The following TERT variants were observed in gnomAD, a reference collection of about 807,000 sequenced individuals.
TERT encodes telomerase catalytic subunit.
Under a neutral mutation model 104.0 loss-of-function variants are expected in TERT, and 42 were observed. That is an observed-to-expected ratio of 0.40 (90% CI 0.32 to 0.52). The LOEUF (loss-of-function observed/expected upper bound fraction) is 0.52. Ranked by LOEUF, TERT falls within the 20% of genes least tolerant of loss-of-function variation. TERT has a pLI of 0.43. For synonymous variants in TERT, 781 were observed against 725.6 expected (o/e 1.08, Z -1.23); for missense variants, 1,101 against 1,610.3 (o/e 0.68, Z 5.41).
rs1420523100 is a variant in TERT at position 1,268,620 on chromosome 5, A to T, written c.2482T>A (p.Cys828Ser). Residue 828 changes from cysteine (C) to serine (S), a missense_variant, in exon 9 of 16, where the codon TGC becomes AGC. Physicochemically the swap from Cys to Ser is moderately radical, Grantham distance 112. Transcript: ENST00000310581. This position sits in a 1 kb window ranked among gnomAD's most constrained non-coding sequence, Gnocchi z 5.5. ...VRIRGKSYVQ[C>S]QGIPQGSILS... ...ATGGAGCCCTGCGGGATCCCCTGGC[A>T]CTGGACGTAGGACCTGGGGCGGGAA... 6.2e-7 allele frequency: 1 copy of T among 1,612,570 alleles called. No homozygotes were observed. The highest frequency in any genetic ancestry group is 1.1e-5 in the South Asian group (1 of 91,070).
At position 1,264,267 on chromosome 5, in the gene TERT, AG is replaced by A. The variant is rs1370817995; in HGVS notation, c.2843+136del. 2.1e-5 allele frequency: 19 copies of A among 889,900 alleles called. No individual in the cohort carries two copies. The East Asian group carries it at 5.0e-4, about 24-fold the overall frequency. The allele number at this position is 889,900 out of a possible 1,614,324, so 55.1% of individuals were successfully genotyped here. On this transcript the variant is annotated intron_variant, in intron 11 of 15. Transcript: ENST00000310581. Reference sequence around the variant, plus strand: ...TTTCTGCTCAGCCCCAGATGGGACGAGGGGCACCCTGTGGCCTCTGACCCTT... The same window carrying A: ...TTTCTGCTCAGCCCCAGATGGGACGAGGGCACCCTGTGGCCTCTGACCCTT...
At position 1,255,461 on chromosome 5, in the gene TERT, T is replaced by C. The variant is rs374522613; in HGVS notation, c.3033-50A>G. ...GAGGAAAGGCCTCCTAATCAGACGG[T>C]GCTCGTGGGTGTGGGCATGGGCCCA... is the stretch of plus-strand genomic sequence containing the variant. On this transcript the variant is annotated intron_variant, in intron 13 of 15. Coordinates refer to ENST00000310581, the MANE Select transcript of TERT (RefSeq NM_198253.3). The surrounding 1 kb of genome is among the most constrained non-coding windows in gnomAD (Gnocchi z 6.9). 7 of 1,612,806 alleles carry C rather than the reference T, an allele frequency of 4.3e-6. No individual in the cohort carries two copies. The highest frequency in any genetic ancestry group is 5.9e-6 in the Non-Finnish European group (7 of 1,179,684).
At chr5:1,259,770 GGACACA>G (rs1748076728) in intron 12 of TERT, among the ~76,000 whole-genome samples, 2 of 136,236 alleles carry the variant, frequency 1.5e-5, no homozygotes, top group African/African-American at 5.7e-5. Context: ...GAGGGGGAGT[GGACACA>G]GACGCCCACA....
intron 6 of TERT, among the ~76,000 whole-genome samples, chr5:1,277,690 T>C (rs1359755319): frequency 1.3e-5 from 2 of 151,256 alleles, no homozygotes; most frequent in Admixed American, 1.3e-4. Context: ...TGGGCTCTAG[T>C]GACTTTCTAC....
At chr5:1,272,373 C>G in intron 6 of TERT, 93 bp from the exon 7 acceptor site, 1 of 1,115,040 alleles carries the variant, frequency 9.0e-7, no homozygotes. Context: ...TGTGGACCTG[C>G]GGCCAAGCCC....
rs1263425403 is a variant in TERT at position 1,265,617 on chromosome 5, G to A, written c.2654+847C>T. Among the ~76,000 whole-genome samples the A allele has an allele frequency of 1.3e-5, 2 of 152,004 alleles. No homozygotes were observed. Among genetic ancestry groups the A allele is most frequent in the South Asian group, 2.1e-4 (1 of 4,816 alleles). On this transcript the variant is annotated intron_variant, in intron 10 of 15. Coordinates refer to ENST00000310581, the MANE Select transcript of TERT (RefSeq NM_198253.3). The surrounding 1 kb of genome is among the most constrained non-coding windows in gnomAD (Gnocchi z 6.9). ...TGCTCCGGGCTGCGGCACAAGGAACGCCAGGCATACCCCCAGCCCAGGGCG... is the reference window on the plus strand; with the variant it reads ...TGCTCCGGGCTGCGGCACAAGGAACACCAGGCATACCCCCAGCCCAGGGCG...
rs1023986340 is a variant in TERT at position 1,256,150 on chromosome 5, C to T, written c.3033-739G>A. Among the ~76,000 whole-genome samples the T allele has an allele frequency of 6.6e-5, 10 of 152,052 alleles. No individual in the cohort carries two copies. The highest frequency in any genetic ancestry group is 2.6e-4 in the Admixed American group (4 of 15,256). On this transcript the variant is annotated intron_variant, in intron 13 of 15. Coordinates refer to ENST00000310581, the MANE Select transcript of TERT (RefSeq NM_198253.3). This position sits in a 1 kb window ranked among gnomAD's most constrained non-coding sequence, Gnocchi z 7.0. ...TTCAGCCTCCCAAGTATTGGAACTA[C>T]AGGCGCACACCACCATGCTCAGCTA...
intron 2 of TERT, among the ~76,000 whole-genome samples, chr5:1,290,750 G>A (rs370234872): frequency 4.0e-4 from 19 of 47,436 alleles, no homozygotes; most frequent in Admixed American, 8.8e-4. Flanking sequence ...CACGTGACAG[G>A]GACACCCGGG....
At chr5:1,290,134 C>G (rs879752029) in intron 2 of TERT, among the ~76,000 whole-genome samples, 6 of 44,362 alleles carry the variant, frequency 1.4e-4, no homozygotes, top group Admixed American at 4.4e-4. Flanking sequence ...ACCCGGGGGC[C>G]GCGCCTCACT....
chr5:1,266,671 T>G, intron 9 of TERT, 136 bp from the exon 10 acceptor site: 1 of 786,386 alleles, frequency 1.3e-6, no homozygotes, highest in South Asian at 1.5e-5. Context: ...AATGAAAAAC[T>G]TAAATTTCTT....
chr5:1,280,933 G>A (rs1027629128), intron 3 of TERT, among the ~76,000 whole-genome samples: 22 of 152,248 alleles, frequency 1.4e-4, no homozygotes, highest in African/African-American at 4.8e-4. Flanking sequence ...ATCTGTGGCT[G>A]ACAGCCTGGC....
rs1327714656 is a variant in TERT, at chr5:1,293,285, G to T, written c.1573+28C>A. 3 of 1,610,766 alleles carry T rather than the reference G, an allele frequency of 1.9e-6. No individual in the cohort carries two copies. In the South Asian group the frequency reaches 3.3e-5, roughly 18 times the overall value. ...CCTACTGCATTCAGCTCTGGGGCCT[G>T]GGCCCTCGACGGCCACCACCTCCTC... On this transcript the variant is annotated intron_variant, in intron 2 of 15. Coordinates refer to ENST00000310581, the MANE Select transcript of TERT (RefSeq NM_198253.3).
rs1186680517 is a variant in TERT at position 1,256,566 on chromosome 5, C to T, written c.3033-1155G>A. ...TACCTCATCTCACCCACTGCCTGAG[C>T]CCCCCATGTACCTGGTCTCACTGAC... is the stretch of plus-strand genomic sequence containing the variant. On this transcript the variant is annotated intron_variant, in intron 13 of 15. Coordinates refer to ENST00000310581, the MANE Select transcript of TERT (RefSeq NM_198253.3). This position sits in a 1 kb window ranked among gnomAD's most constrained non-coding sequence, Gnocchi z 7.0. Among the ~76,000 whole-genome samples, 1 of 151,534 alleles carries T rather than the reference C, an allele frequency of 6.6e-6. No individual in the cohort carries two copies. Among genetic ancestry groups the T allele is most frequent in the South Asian group, 2.1e-4 (1 of 4,786 alleles).
Position 1,293,858 on chromosome 5 carries a change from G to A in TERT, c.1028C>T (p.Pro343Leu). The change falls in exon 2 of 16, where the codon CCC becomes CTC. Residue 343 changes from proline to leucine, a missense_variant. Physicochemically the swap from Pro to Leu is moderately conservative, Grantham distance 98 (BLOSUM62 -3). Around this residue, in one of 5 missense-constraint regions of TERT, gnomAD observed 504 missense variants for 544.6 expected, o/e 0.93. Transcript: ENST00000310581. Reference protein sequence around the residue: ...YSSGDKEQLRPSFLLSSLRPS... With the variant: ...YSSGDKEQLRLSFLLSSLRPS... Reference sequence around the variant, plus strand: ...CCTCAGAGAGCTGAGTAGGAAGGAGGGCCGCAGCTGCTCCTTGTCGCCTGA... The same window carrying A: ...CCTCAGAGAGCTGAGTAGGAAGGAGAGCCGCAGCTGCTCCTTGTCGCCTGA... 6.5e-7 allele frequency: 1 copy of A among 1,546,446 alleles called. No homozygotes were observed. The highest frequency in any genetic ancestry group is 8.7e-7 in the Non-Finnish European group (1 of 1,146,992).
chr5:1,267,361 C>T (rs1748682624), intron 9 of TERT, among the ~76,000 whole-genome samples: 1 of 152,180 alleles, frequency 6.6e-6, no homozygotes, highest in African/African-American at 2.4e-5. Context: ...CTCTCCAGCA[C>T]CAGAACACTT....
chr5:1,282,289 G>T, intron 3 of TERT, 140 bp downstream of exon 3: 1 of 819,358 alleles, frequency 1.2e-6, no homozygotes, highest in Non-Finnish European at 2.1e-6. Context: ...ACTTGGACCA[G>T]GCCTGTGACG....
chr5:1,254,498 C>T lies in TERT; in HGVS notation c.3165G>A (p.Ser1055=), dbSNP rs554739019. The T allele has an allele frequency of 1.9e-5, 31 of 1,611,826 alleles. No individual in the cohort carries two copies. The highest frequency in any genetic ancestry group is 3.3e-4 in the Middle Eastern group (2 of 5,988). ...SILKAKNAGM[S]LGAKGAAGPL... is the part of the protein sequence containing the mutation. The stretch of plus-strand genomic sequence containing the variant: ...GGCCGGCGGCGCCCTTGGCCCCCAG[C>T]GACATCCCTGGGGGAAAACAGAGGC... The change falls in exon 15 of 16, where the codon TCG becomes TCA. Residue 1055 remains serine, a synonymous_variant. Transcript: ENST00000310581.
intron 6 of TERT, among the ~76,000 whole-genome samples, chr5:1,272,597 TCCACAGTCACCACATCA>T (rs1561198046): frequency 1.4e-3 from 41 of 28,518 alleles, no homozygotes; most frequent in African/African-American, 1.8e-3. Flanking sequence ...ACGACCGCCA[TCCACAGTCACCACATCA>T]GACCCCACGA....
chr5:1,293,842 G>A lies in TERT; in HGVS notation c.1044C>T (p.Ser348=). ...CGCCAGTCAGGCTGGGCCTCAGAGA[G>A]CTGAGTAGGAAGGAGGGCCGCAGCT... is the stretch of plus-strand genomic sequence containing the variant. ...KEQLRPSFLL[S]SLRPSLTGAR... Residue 348 remains serine (S), a synonymous_variant, in exon 2 of 16, where the codon AGC becomes AGT. Transcript: ENST00000310581. 2 of 1,548,502 alleles carry A rather than the reference G, an allele frequency of 1.3e-6. No individual in the cohort carries two copies. Among genetic ancestry groups the A allele is most frequent in the Non-Finnish European group, 1.7e-6 (2 of 1,147,036 alleles).
Sources: gnomAD v4.1 joint callset for allele counts (sites outside exome capture counted in the v4.1 genomes callset) on GRCh38, gnomAD v4.1.1 for gene constraint, gnomAD v4.1.1 regional missense constraint, Gnocchi (gnomAD v3.1) non-coding constraint, MANE v1.5 for transcripts, NCBI Gene and HGNC (gene_info 2026-07-23, HGNC 2026-07-21) for gene names.